Variants in CDH13 observed in about 807,000 individuals in gnomAD.
CDH13 encodes cadherin-13.
In CDH13, 24 loss-of-function variants were observed where a neutral mutation model predicts 63.8. That is an observed-to-expected ratio of 0.38 (90% CI 0.27 to 0.53). The LOEUF (loss-of-function observed/expected upper bound fraction) is 0.53. Among genes scored for constraint, CDH13 ranks in the 20% least tolerant of loss-of-function variants. CDH13 has a pLI of 0.85. For synonymous variants in CDH13, 503 were observed against 355.3 expected (o/e 1.42, Z -4.67); for missense variants, 1,049 against 903.1 (o/e 1.16, Z -2.07).
At chr16:83,006,103 C>T (rs1435613031) in intron 2 of CDH13, among the ~76,000 whole-genome samples, 2 of 152,238 alleles carry the variant, frequency 1.3e-5, no homozygotes, top group Non-Finnish European at 2.9e-5. Context: ...TTGCACAATA[C>T]TGGCGTCAGC....
intron 6 of CDH13, among the ~76,000 whole-genome samples, chr16:83,481,328 G>A (rs991701051): frequency 1.3e-5 from 2 of 152,156 alleles, no homozygotes; most frequent in African/African-American, 4.8e-5. Context: ...AAATGTTTAG[G>A]GATGGAGTCA....
chr16:83,178,219 C>T (rs964536035), intron 4 of CDH13, among the ~76,000 whole-genome samples: 1 of 152,104 alleles, frequency 6.6e-6, no homozygotes, highest in African/African-American at 2.4e-5. Flanking sequence ...TTGTGGGAGG[C>T]CGTCCTGTGC....
intron 10 of CDH13, among the ~76,000 whole-genome samples, chr16:83,681,037 A>G (rs988634820): frequency 6.6e-6 from 1 of 151,956 alleles, no homozygotes; most frequent in Non-Finnish European, 1.5e-5. Flanking sequence ...TTCCTAATCA[A>G]TAGCCCAGCC....
intron 10 of CDH13, among the ~76,000 whole-genome samples, chr16:83,680,062 G>A (rs1429049249): frequency 1.3e-5 from 2 of 152,198 alleles, no homozygotes; most frequent in Non-Finnish European, 2.9e-5. Context: ...AGAACGTGCT[G>A]GAGGACCCTA....
At chr16:83,317,474 C>G (rs1165962275) in intron 5 of CDH13, among the ~76,000 whole-genome samples, 1 of 152,106 alleles carries the variant, frequency 6.6e-6, no homozygotes, top group Non-Finnish European at 1.5e-5. Flanking sequence ...GGCTTTCCAT[C>G]CTGGAATCCA....
At chr16:82,863,543 T>C (rs147469907) in intron 2 of CDH13, among the ~76,000 whole-genome samples, 1 of 152,220 alleles carries the variant, frequency 6.6e-6, no homozygotes, top group Non-Finnish European at 1.5e-5. Context: ...GTTTGAATTA[T>C]CTCATCTCCA....
chr16:83,316,301 C>T (rs951131578), intron 5 of CDH13, among the ~76,000 whole-genome samples: 1 of 152,170 alleles, frequency 6.6e-6, no homozygotes, highest in Non-Finnish European at 1.5e-5. Flanking sequence ...GACCATATCA[C>T]ACATACACAC....
chr16:82,972,769 C>T (rs765325473), intron 2 of CDH13, among the ~76,000 whole-genome samples: 6 of 150,498 alleles, frequency 4.0e-5, no homozygotes, highest in Non-Finnish European at 8.9e-5. Flanking sequence ...AAGAATCAGC[C>T]TTGTGTTTAC....
At position 83,102,536 on chromosome 16, in the gene CDH13, C is replaced by T. The variant is rs372238166; in HGVS notation, c.367-22849C>T. Among the ~76,000 whole-genome samples, 31 of 152,170 alleles carry T rather than the reference C, an allele frequency of 2.0e-4. No individual in the cohort carries two copies. The South Asian group carries it at 6.2e-3, about 31-fold the overall frequency. On this transcript the variant is annotated intron_variant, in intron 3 of 13. Coordinates refer to ENST00000567109, the MANE Select transcript of CDH13 (RefSeq NM_001257.5). ...TGAGATTACATGACACACTGTAACC[C>T]GGAACAAGGACACTGGCTTCACTCC...
intron 1 of CDH13, among the ~76,000 whole-genome samples, chr16:82,671,221 GT>G (rs1913205444): frequency 6.6e-6 from 1 of 152,222 alleles, no homozygotes; most frequent in Non-Finnish European, 1.5e-5. Flanking sequence ...ACACAACTGT[GT>G]AAGTCACAAA....
intron 6 of CDH13, among the ~76,000 whole-genome samples, chr16:83,447,771 A>T (rs1272194264): frequency 6.7e-6 from 1 of 149,208 alleles, no homozygotes; most frequent in East Asian, 1.9e-4. Context: ...TTAAATATTG[A>T]TTTATTTTTT....
intron 6 of CDH13, among the ~76,000 whole-genome samples, chr16:83,471,421 G>C (rs12933134): frequency 0.28 from 41,929 of 151,746 alleles, 6,078 homozygotes; most frequent in Non-Finnish European, 0.31. Flanking sequence ...ACTACAGGTG[G>C]CTGCCACAGC....
intron 7 of CDH13, among the ~76,000 whole-genome samples, chr16:83,597,305 G>T (rs1907360645): frequency 6.6e-6 from 1 of 152,124 alleles, no homozygotes; most frequent in South Asian, 2.1e-4. Context: ...AAATTATAGT[G>T]GATCTGTACA....
At chr16:83,125,270 G>T (rs960127494) in intron 3 of CDH13, 115 bp from the exon 4 acceptor site, 1 of 652,352 alleles carries the variant, frequency 1.5e-6, no homozygotes, top group Non-Finnish European at 2.8e-6. Context: ...ATGGAATACA[G>T]TGAACACTTT....
chr16:83,522,711 C>T (rs905958810), intron 7 of CDH13, among the ~76,000 whole-genome samples: 7 of 152,162 alleles, frequency 4.6e-5, no homozygotes, highest in African/African-American at 1.7e-4. Flanking sequence ...TGGGCCCTGT[C>T]GGGGTCTGGC....
chr16:83,396,913 A>G (rs571630223), intron 6 of CDH13, among the ~76,000 whole-genome samples: 1 of 152,276 alleles, frequency 6.6e-6, no homozygotes, highest in Non-Finnish European at 1.5e-5. Flanking sequence ...AGCTTCTATC[A>G]TTGTCCCAGG....
At chr16:83,316,304 A>G (rs762697445) in intron 5 of CDH13, among the ~76,000 whole-genome samples, 1 of 152,236 alleles carries the variant, frequency 6.6e-6, no homozygotes, top group Non-Finnish European at 1.5e-5. Flanking sequence ...CATATCACAC[A>G]TACACACACA....
chr16:83,506,999 G>T (rs1000745404), intron 7 of CDH13, among the ~76,000 whole-genome samples: 2 of 152,138 alleles, frequency 1.3e-5, no homozygotes, highest in Non-Finnish European at 2.9e-5. Flanking sequence ...AATGTTTTTA[G>T]TTGCTTTAAA....
chr16:83,249,200 T>G (rs1304962584), intron 5 of CDH13, among the ~76,000 whole-genome samples: 2 of 152,222 alleles, frequency 1.3e-5, no homozygotes, highest in Non-Finnish European at 2.9e-5. Flanking sequence ...CTCATATTTA[T>G]TGACCAGACT....
Sources: allele counts gnomAD v4.1 joint callset (sites outside exome capture counted in the v4.1 genomes callset), GRCh38; gene constraint gnomAD v4.1.1; transcripts MANE v1.5; gene names NCBI Gene and HGNC (gene_info 2026-07-23, HGNC 2026-07-21).